Variants in NCOA7 observed in about 807,000 individuals in gnomAD.
The protein encoded by NCOA7 is 140 kDa estrogen receptor-associated protein.
NCOA7 carries 45 observed loss-of-function variants against 104.3 expected under a neutral mutation model. The observed-to-expected ratio is 0.43, with a 90% CI of 0.34 to 0.55. The LOEUF (loss-of-function observed/expected upper bound fraction) is 0.55, where lower values mean the gene tolerates loss of function less well. Ranked by LOEUF, NCOA7 falls within the 20% of genes least tolerant of loss-of-function variation. The pLI is 0.02. For missense variants in NCOA7, 1,041 were observed against 1,119.7 expected (o/e 0.93, Z 1.00); for synonymous variants, 398 against 402.3 (o/e 0.99, Z 0.13).
chr6:125,895,389 G>C (rs543434980), intron 10 of NCOA7, among the ~76,000 whole-genome samples: 1 of 151,980 alleles, frequency 6.6e-6, no homozygotes, highest in East Asian at 1.9e-4. Flanking sequence ...TTTTATTTTT[G>C]TTTAACTTGA....
At chr6:125,799,443 C>CTTTT (rs35143077) in intron 1 of NCOA7, among the ~76,000 whole-genome samples, 27 of 138,006 alleles carry the variant, frequency 2.0e-4, no homozygotes, top group African/African-American at 6.8e-4. Flanking sequence ...CTTAGTTGTT[C>CTTTT]TTTTTTTTTT....
chr6:125,818,411 C>A (rs1423859256), intron 2 of NCOA7, among the ~76,000 whole-genome samples: 1 of 151,986 alleles, frequency 6.6e-6, no homozygotes, highest in Non-Finnish European at 1.5e-5. Context: ...AAAAATGAAA[C>A]AAAAAACGTA....
intron 1 of NCOA7, among the ~76,000 whole-genome samples, chr6:125,799,143 A>G (rs1038774988): frequency 6.6e-6 from 1 of 151,954 alleles, no homozygotes; most frequent in Non-Finnish European, 1.5e-5. Context: ...CATTTCATGC[A>G]CTCAGCCTGC....
At chr6:125,795,691 C>G (rs915879568) in intron 1 of NCOA7, among the ~76,000 whole-genome samples, 4 of 152,120 alleles carry the variant, frequency 2.6e-5, no homozygotes, top group African/African-American at 9.7e-5. Flanking sequence ...CCCTTCAGAC[C>G]CTGTAAAACA....
chr6:125,895,787 T>A (rs1362621224), intron 10 of NCOA7, among the ~76,000 whole-genome samples: 1 of 151,702 alleles, frequency 6.6e-6, no homozygotes, highest in African/African-American at 2.4e-5. Context: ...AGCACCCAGA[T>A]CTCGGGAGAA....
intron 4 of NCOA7, among the ~76,000 whole-genome samples, chr6:125,876,143 G>A (rs544330654): frequency 1.3e-5 from 2 of 152,258 alleles, no homozygotes; most frequent in East Asian, 3.9e-4. Flanking sequence ...TTATTTGTAA[G>A]CAATGCCAGA....
chr6:125,844,153 A>G (rs902952968), intron 2 of NCOA7, among the ~76,000 whole-genome samples: 2 of 152,194 alleles, frequency 1.3e-5, no homozygotes, highest in Admixed American at 6.5e-5. Context: ...CCTGATTGGC[A>G]TTCTGTTTAT....
intron 1 of NCOA7, among the ~76,000 whole-genome samples, chr6:125,814,543 T>A (rs1777399901): frequency 6.6e-6 from 1 of 152,180 alleles, no homozygotes; most frequent in African/African-American, 2.4e-5. Flanking sequence ...TCTGCAGAAA[T>A]TTAGACTGGT....
At chr6:125,798,309 C>G (rs1775533404) in intron 1 of NCOA7, 2 of 152,232 alleles carry the variant, frequency 1.3e-5, no homozygotes, top group Non-Finnish European at 2.9e-5. Context: ...GTTACCACCT[C>G]TGTGCAGTTA....
At chr6:125,895,952 C>A (rs1784969547) in intron 10 of NCOA7, among the ~76,000 whole-genome samples, 1 of 145,928 alleles carries the variant, frequency 6.9e-6, no homozygotes, top group African/African-American at 2.6e-5. Context: ...TATGTTAGTT[C>A]ATATATGTAT....
intron 13 of NCOA7, 147 bp downstream of exon 13, chr6:125,922,981 T>C (rs1787721744): frequency 1.0e-5 from 7 of 692,082 alleles, no homozygotes; most frequent in African/African-American, 1.8e-5. Flanking sequence ...TTGTTTTTTC[T>C]CTGCTGAAAT....
At chr6:125,897,624 C>G (rs1360165290) in intron 10 of NCOA7, among the ~76,000 whole-genome samples, 9 of 152,110 alleles carry the variant, frequency 5.9e-5, no homozygotes, top group Non-Finnish European at 7.4e-5. Flanking sequence ...AGTTCAATCT[C>G]TCTGTTGGCT....
chr6:125,831,710 T>C (rs1003365239), intron 2 of NCOA7, among the ~76,000 whole-genome samples: 2 of 152,218 alleles, frequency 1.3e-5, no homozygotes, highest in Non-Finnish European at 2.9e-5. Flanking sequence ...TCTTACAGCT[T>C]AACTTCACCC....
At chr6:125,886,504 T>C (rs1263956297) in intron 8 of NCOA7, among the ~76,000 whole-genome samples, 1 of 152,230 alleles carries the variant, frequency 6.6e-6, no homozygotes, top group East Asian at 1.9e-4. Context: ...TGAGATTATG[T>C]TTAATGATCT....
chr6:125,878,880 C>T (rs1783596179), intron 5 of NCOA7, among the ~76,000 whole-genome samples: 1 of 152,196 alleles, frequency 6.6e-6, no homozygotes, highest in African/African-American at 2.4e-5. Flanking sequence ...AGGCTCACTT[C>T]CATGTTGAGG....
At chr6:125,882,114 A>G (rs1376775432) in intron 6 of NCOA7, among the ~76,000 whole-genome samples, 9 of 152,204 alleles carry the variant, frequency 5.9e-5, no homozygotes, top group Non-Finnish European at 1.3e-4. Context: ...CCGGCCTCCC[A>G]AAGTGCTGGG....
At chr6:125,804,180 C>CA (rs1242006475) in intron 1 of NCOA7, among the ~76,000 whole-genome samples, 1 of 152,158 alleles carries the variant, frequency 6.6e-6, no homozygotes, top group Admixed American at 6.5e-5. Flanking sequence ...GCAAAAAAAT[C>CA]AAACGGGCCA....
At chr6:125,883,714 T>A (rs1047926722) in intron 7 of NCOA7, among the ~76,000 whole-genome samples, 10 of 42,136 alleles carry the variant, frequency 2.4e-4, no homozygotes, top group African/African-American at 7.4e-4. Flanking sequence ...CCTACACCTC[T>A]TTTTTTTTTT....
intron 1 of NCOA7, among the ~76,000 whole-genome samples, chr6:125,784,987 AACACAC>A (rs3084325): frequency 0.076 from 11,247 of 148,084 alleles, 452 homozygotes; most frequent in Middle Eastern, 0.11. Context: ...GTTGCATATA[AACACAC>A]ACACACACAC....
Sources: allele counts gnomAD v4.1 joint callset (sites outside exome capture counted in the v4.1 genomes callset), GRCh38; gene constraint gnomAD v4.1.1; transcripts MANE v1.5; gene names NCBI Gene and HGNC (gene_info 2026-07-23, HGNC 2026-07-21).